The following ATP8B4 variants were observed in gnomAD, a reference collection of about 807,000 sequenced individuals.
ATP8B4 encodes probable phospholipid-transporting ATPase IM.
Under a neutral mutation model 145.6 loss-of-function variants are expected in ATP8B4, and 133 were observed. The ratio of observed to expected loss-of-function variants is 0.91; its 90% confidence interval spans 0.79 to 1.05. The LOEUF is 1.05. Ranked by LOEUF, ATP8B4 falls within the 50% of genes least tolerant of loss-of-function variation. ATP8B4 has a pLI of 0.00. For missense variants in ATP8B4, 1,458 were observed against 1,425.2 expected, an observed-to-expected ratio of 1.02 and a Z score of -0.37; for synonymous variants, 507 against 492.9, an observed-to-expected ratio of 1.03 and a Z score of -0.38.
chr15:50,100,579 T>C (rs2056290546), intron 2 of ATP8B4, among the ~76,000 whole-genome samples: 1 of 152,166 alleles, frequency 6.6e-6, no homozygotes, highest in African/African-American at 2.4e-5. Flanking sequence ...TAGGTTAAAA[T>C]AAAAAGCTCT....
intron 21 of ATP8B4, among the ~76,000 whole-genome samples, chr15:49,900,299 A>T (rs2153431583): frequency 6.6e-6 from 1 of 152,320 alleles, no homozygotes; most frequent in South Asian, 2.1e-4. Context: ...GAGAAAACAC[A>T]ATATCCTCAT....
At chr15:50,013,224 A>T (rs2048845574) in intron 6 of ATP8B4, among the ~76,000 whole-genome samples, 1 of 152,092 alleles carries the variant, frequency 6.6e-6, no homozygotes, top group African/African-American at 2.4e-5. Flanking sequence ...CCAACTTGAA[A>T]CATGAAAGCA....
At position 49,978,120 on chromosome 15, in the gene ATP8B4, G is replaced by A. The variant is rs74349500; in HGVS notation, c.1034+1497C>T. ...AATGAAAATGCCAATGTACTTCAAAGAAAGAATGTATACATAATATACTTC... is the reference window on the plus strand; with the variant it reads ...AATGAAAATGCCAATGTACTTCAAAAAAAGAATGTATACATAATATACTTC... On this transcript the variant is annotated intron_variant, in intron 12 of 27. Coordinates refer to ENST00000284509, the MANE Select transcript of ATP8B4 (RefSeq NM_024837.4). Among the ~76,000 whole-genome samples the A allele has an allele frequency of 6.4e-3, 978 of 152,256 alleles. 7 individuals carry two copies. The highest frequency in any genetic ancestry group is 9.5e-3 in the Non-Finnish European group (643 of 67,994).
chr15:50,064,757 A>C (rs920315851), intron 3 of ATP8B4, among the ~76,000 whole-genome samples: 1 of 152,192 alleles, frequency 6.6e-6, no homozygotes, highest in Non-Finnish European at 1.5e-5. Flanking sequence ...CAAAGCATAG[A>C]GGCTTCTGCT....
intron 15 of ATP8B4, among the ~76,000 whole-genome samples, chr15:49,933,341 T>C (rs569826772): frequency 6.6e-6 from 1 of 152,170 alleles, no homozygotes; most frequent in South Asian, 2.1e-4. Flanking sequence ...ATTAGTGGGC[T>C]GAGGAAAACA....
intron 13 of ATP8B4, among the ~76,000 whole-genome samples, chr15:49,970,401 G>A (rs2044995558): frequency 6.6e-6 from 1 of 152,160 alleles, no homozygotes; most frequent in African/African-American, 2.4e-5. Context: ...ATCCCCTTAA[G>A]CTGATAAGCA....
At chr15:50,126,222 C>T (rs1394480642) in intron 1 of ATP8B4, among the ~76,000 whole-genome samples, 2 of 141,504 alleles carry the variant, frequency 1.4e-5, no homozygotes, top group Non-Finnish European at 3.0e-5. Context: ...CTTGTTAGTT[C>T]CTAACAAGCT....
At chr15:49,966,956 G>A (rs542641661) in intron 13 of ATP8B4, among the ~76,000 whole-genome samples, 13 of 152,236 alleles carry the variant, frequency 8.5e-5, no homozygotes, top group South Asian at 6.2e-4. Context: ...TGCAGCCTCC[G>A]CTGGTGATAC....
At chr15:49,876,190 C>T in intron 25 of ATP8B4, 88 bp downstream of exon 25, 1 of 1,502,368 alleles carries the variant, frequency 6.7e-7, no homozygotes, top group Non-Finnish European at 8.9e-7. Context: ...GGATTATTTC[C>T]CCCCAACAAG....
intron 20 of ATP8B4, among the ~76,000 whole-genome samples, chr15:49,914,689 C>G (rs1039277499): frequency 2.0e-5 from 3 of 152,054 alleles, no homozygotes; most frequent in African/African-American, 7.2e-5. Flanking sequence ...ATAAGACACA[C>G]AAATAGCCAA....
At chr15:49,999,949 G>A (rs1317060115) in intron 8 of ATP8B4, among the ~76,000 whole-genome samples, 1 of 152,040 alleles carries the variant, frequency 6.6e-6, no homozygotes, top group Non-Finnish European at 1.5e-5. Context: ...GAATTATACT[G>A]TATGTGACCT....
intron 6 of ATP8B4, among the ~76,000 whole-genome samples, chr15:50,022,535 C>G (rs371010302): frequency 1.3e-5 from 2 of 152,338 alleles, no homozygotes; most frequent in East Asian, 3.9e-4. Context: ...CTTAACAATG[C>G]TGGGACAATA....
intron 6 of ATP8B4, among the ~76,000 whole-genome samples, chr15:50,033,033 T>C (rs1010110314): frequency 1.3e-5 from 2 of 152,242 alleles, no homozygotes; most frequent in Admixed American, 1.3e-4. Flanking sequence ...GAAAAGTTGA[T>C]TGAACAAGTT....
intron 6 of ATP8B4, among the ~76,000 whole-genome samples, chr15:50,037,842 TATTC>T (rs778748018): frequency 2.0e-5 from 3 of 152,234 alleles, no homozygotes; most frequent in Non-Finnish European, 2.9e-5. Context: ...AAACTGTAGG[TATTC>T]ATTATGTTAT....
At chr15:49,989,840 T>C (rs1054666914) in intron 9 of ATP8B4, among the ~76,000 whole-genome samples, 3 of 152,152 alleles carry the variant, frequency 2.0e-5, no homozygotes, top group Non-Finnish European at 2.9e-5. Flanking sequence ...ATTTCTTTTG[T>C]ACCACTTTCG....
chr15:50,028,861 A>G (rs1004264851), intron 6 of ATP8B4, among the ~76,000 whole-genome samples: 6 of 152,146 alleles, frequency 3.9e-5, no homozygotes, highest in African/African-American at 1.4e-4. Context: ...AAAGAAGTGA[A>G]TATTAGTCTT....
intron 6 of ATP8B4, among the ~76,000 whole-genome samples, chr15:50,033,787 C>T (rs2050623929): frequency 6.6e-6 from 1 of 152,130 alleles, no homozygotes; most frequent in Non-Finnish European, 1.5e-5. Context: ...ATAACTAGCC[C>T]CCACTTATAA....
At chr15:50,059,186 T>C (rs771711040) in intron 3 of ATP8B4, among the ~76,000 whole-genome samples, 14 of 152,282 alleles carry the variant, frequency 9.2e-5, no homozygotes, top group East Asian at 3.9e-4. Context: ...TATACAAAAA[T>C]AGGCATTTGC....
intron 23 of ATP8B4, among the ~76,000 whole-genome samples, chr15:49,893,750 C>T (rs1411592411): frequency 6.6e-6 from 1 of 152,114 alleles, no homozygotes; most frequent in Non-Finnish European, 1.5e-5. Flanking sequence ...GTTAGCACTA[C>T]CGAACTCTAC....
Sources: allele counts gnomAD v4.1 joint callset (sites outside exome capture counted in the v4.1 genomes callset), GRCh38; gene constraint gnomAD v4.1.1; transcripts MANE v1.5; gene names NCBI Gene and HGNC (gene_info 2026-07-23, HGNC 2026-07-21).